The following CUX1 variants were observed in gnomAD, a reference collection of about 807,000 sequenced individuals.
CUX1 encodes protein CASP.
Under a neutral mutation model 158.8 loss-of-function variants are expected in CUX1, and 31 were observed. The observed-to-expected ratio is 0.20, with a 90% confidence interval of 0.15 to 0.26. CUX1 has a LOEUF of 0.26. Among genes scored for constraint, CUX1 ranks in the 10% least tolerant of loss-of-function variants. The pLI is 1.00. For synonymous variants in CUX1, 879 were observed against 862.1 expected, an observed-to-expected ratio of 1.02 and a Z score of -0.34; for missense variants, 1,589 against 2,014.6, an observed-to-expected ratio of 0.79 and a Z score of 4.04.
intron 1 of CUX1, among the ~76,000 whole-genome samples, chr7:101,828,852 C>A (rs564572583): frequency 2.7e-4 from 40 of 149,662 alleles, no homozygotes; most frequent in African/African-American, 9.9e-4. Context: ...AGGCCCATTG[C>A]GGGTGGCTGA....
intron 5 of CUX1, among the ~76,000 whole-genome samples, chr7:102,100,056 G>A (rs1554485883): frequency 6.6e-6 from 1 of 152,180 alleles, no homozygotes; most frequent in African/African-American, 2.4e-5. Flanking sequence ...AAGGTGGGCA[G>A]ATCACTTGAG....
intron 20 of CUX1, among the ~76,000 whole-genome samples, chr7:102,206,593 T>A (rs1795967305): frequency 6.6e-6 from 1 of 152,144 alleles, no homozygotes; most frequent in Admixed American, 6.5e-5. Flanking sequence ...ACTAATGTAT[T>A]CTAGATCAAA....
At chr7:102,023,041 C>G (rs973054316) in intron 2 of CUX1, among the ~76,000 whole-genome samples, 2 of 152,144 alleles carry the variant, frequency 1.3e-5, no homozygotes, top group Non-Finnish European at 2.9e-5. Flanking sequence ...ATGGTGAAAA[C>G]TTGTCTCTAC....
chr7:102,260,713 C>T (rs1334646550), downstream of CUX1, among the ~76,000 whole-genome samples: 1 of 151,780 alleles, frequency 6.6e-6, no homozygotes, highest in African/African-American at 2.4e-5. Context: ...CGTGAGCCAC[C>T]ATACCCAGCC....
chr7:101,825,740 A>G (rs1209513323), intron 1 of CUX1, among the ~76,000 whole-genome samples: 2 of 147,002 alleles, frequency 1.4e-5, no homozygotes, highest in African/African-American at 5.1e-5. Context: ...ACGCCCTGAT[A>G]CCTTAATGAA....
At chr7:102,069,934 A>G (rs1301965949) in intron 3 of CUX1, among the ~76,000 whole-genome samples, 2 of 152,140 alleles carry the variant, frequency 1.3e-5, no homozygotes, top group African/African-American at 2.4e-5. Flanking sequence ...TTAATTACAT[A>G]CCTGTTTCCC....
At chr7:102,142,016 A>G (rs1246884475) in intron 8 of CUX1, among the ~76,000 whole-genome samples, 2 of 152,044 alleles carry the variant, frequency 1.3e-5, no homozygotes, top group African/African-American at 4.8e-5. Context: ...ACTTGGGAGT[A>G]AAGGCCAGGC....
In CUX1 at chr7:101,894,893, C is replaced by G. The variant is rs1801299677; in HGVS notation, c.31-21222C>G. ...TGAACTAAAGTGTGGTTTCTGTAACCCTAGGGAGTTCTTCCCTAGGTATGA... is the reference window on the plus strand; with the variant it reads ...TGAACTAAAGTGTGGTTTCTGTAACGCTAGGGAGTTCTTCCCTAGGTATGA... On this transcript the variant is annotated intron_variant, in intron 1 of 23. Coordinates refer to ENST00000292535, the MANE Select transcript of CUX1 (RefSeq NM_181552.4). Among the ~76,000 whole-genome samples, 2 of 151,960 alleles carry G rather than the reference C, an allele frequency of 1.3e-5. 1 individual carries two copies. Among genetic ancestry groups the G allele is most frequent in the South Asian group, 4.2e-4 (2 of 4,802 alleles).
intron 8 of CUX1, among the ~76,000 whole-genome samples, chr7:102,136,291 C>T (rs1833895341): frequency 6.6e-6 from 1 of 151,900 alleles, no homozygotes; most frequent in South Asian, 2.1e-4. Flanking sequence ...ATTTGTATAG[C>T]CAGTTTACTA....
rs1789833359 is a variant in CUX1 at position 102,255,819 on chromosome 7, C to A, written c.*6777C>A. 5 of 983,984 alleles carry A rather than the reference C, an allele frequency of 5.1e-6. No homozygotes were observed. In the South Asian group the frequency reaches 2.4e-4, roughly 46 times the overall value. The allele number at this position is 983,984 out of a possible 1,614,324, so 61.0% of individuals were successfully genotyped here. On this transcript the variant is annotated 3_prime_UTR_variant, in exon 24 of 24. Coordinates refer to ENST00000292535, the MANE Select transcript of CUX1 (RefSeq NM_181552.4). ...AATTCTTTTTTCCCCCCTTTTCCTTCTTCTTTTTTATTATTTTATTATTTT... is the reference window on the plus strand; with the variant it reads ...AATTCTTTTTTCCCCCCTTTTCCTTATTCTTTTTTATTATTTTATTATTTT...
At chr7:102,152,270 G>C (rs1299803843) in intron 8 of CUX1, among the ~76,000 whole-genome samples, 7 of 152,082 alleles carry the variant, frequency 4.6e-5, no homozygotes, top group African/African-American at 9.7e-5. Flanking sequence ...AGGATCACTT[G>C]AGCTCAGGAC....
At chr7:102,032,222 C>T (rs1181886313) in intron 3 of CUX1, among the ~76,000 whole-genome samples, 2 of 152,090 alleles carry the variant, frequency 1.3e-5, no homozygotes, top group South Asian at 4.1e-4. Flanking sequence ...GGCCACCACG[C>T]CTGGCCTGGA....
Position 101,981,153 on chromosome 7 carries a change from C to A in CUX1, c.142-46945C>A, listed in dbSNP as rs1333386380. On this transcript the variant is annotated intron_variant, in intron 2 of 23. Transcript: ENST00000292535. ...GGGAGAGGTCCTGACATGAATACCC[C>A]CCGTTTTGTGAATCCTGAGCCAGTA... Among the ~76,000 whole-genome samples the A allele has an allele frequency of 7.9e-5, 12 of 152,114 alleles. 1 individual carries two copies. The highest frequency in any genetic ancestry group is 2.4e-4 in the African/African-American group (10 of 41,490).
chr7:102,169,671 C>G (rs1791495182), intron 9 of CUX1, among the ~76,000 whole-genome samples: 1 of 152,202 alleles, frequency 6.6e-6, no homozygotes, highest in South Asian at 2.1e-4. Context: ...CCCAGACACC[C>G]TGTCGGGTGG....
Position 102,258,229 on chromosome 7 carries a change from C to A in CUX1, c.*9187C>A. ...TTGAAGTAAATATCTTTTATACAAA[C>A]ACAAGAATGTGTGGGTTGTTTTTAT... On this transcript the variant is annotated 3_prime_UTR_variant, in exon 24 of 24. Transcript: ENST00000292535. The A allele has an allele frequency of 1.0e-6, 1 of 968,308 alleles. No homozygotes were observed. The highest frequency in any genetic ancestry group is 1.2e-6 in the Non-Finnish European group (1 of 814,356). 60.0% of individuals were successfully genotyped at this position (968,308 alleles called of 1,614,324 possible). A position where few individuals can be genotyped will look rare whatever the true frequency, so the allele number is the denominator to read the frequency against.
intron 3 of CUX1, among the ~76,000 whole-genome samples, chr7:102,067,340 C>G (rs2130515628): frequency 6.9e-6 from 1 of 145,644 alleles, no homozygotes; most frequent in Non-Finnish European, 1.5e-5. Flanking sequence ...ACAAATGAAG[C>G]AATTCTCCTG....
chr7:102,101,687 A>C (rs1021401123), intron 5 of CUX1, among the ~76,000 whole-genome samples: 2 of 152,118 alleles, frequency 1.3e-5, no homozygotes, highest in African/African-American at 4.8e-5. Flanking sequence ...AGGTGAGCAG[A>C]TCATTTGAGG....
At chr7:102,160,220 A>G (rs1291881767) in intron 9 of CUX1, among the ~76,000 whole-genome samples, 4 of 151,244 alleles carry the variant, frequency 2.6e-5, no homozygotes, top group African/African-American at 9.7e-5. Context: ...TACCTTCATC[A>G]TAGATCACTA....
chr7:102,034,858 C>T (rs1821237071), intron 3 of CUX1, among the ~76,000 whole-genome samples: 2 of 151,442 alleles, frequency 1.3e-5, no homozygotes, highest in Admixed American at 1.3e-4. Context: ...CACTTGAACC[C>T]AGGAGGCAGA....
Sources: gnomAD v4.1 joint callset for allele counts (sites outside exome capture counted in the v4.1 genomes callset) on GRCh38, gnomAD v4.1.1 for gene constraint, MANE v1.5 for transcripts, NCBI Gene and HGNC (gene_info 2026-07-23, HGNC 2026-07-21) for gene names.